CYB5RL: variants seen among roughly 807,000 people sequenced by gnomAD.
CYB5RL encodes the protein NADH-cytochrome b5 reductase-like.
In CYB5RL, 38 loss-of-function variants were observed where a neutral mutation model predicts 37.5. The ratio of observed to expected loss-of-function variants is 1.01; its 90% CI spans 0.78 to 1.33. The LOEUF is 1.33. Among genes scored for constraint, CYB5RL ranks in the 40% most tolerant of loss-of-function variants. The probability of loss-of-function intolerance (pLI) is 0.00; values close to 1 mark genes in which losing one functional copy is unlikely to be tolerated. For missense variants in CYB5RL, 388 were observed against 394.4 expected (o/e 0.98, Z 0.14); for synonymous variants, 141 against 151.9 (o/e 0.93, Z 0.53).
At chr1:54,175,046 T>C (rs1007266290) in intron 7 of CYB5RL, among the ~76,000 whole-genome samples, 1 of 151,966 alleles carries the variant, frequency 6.6e-6, no homozygotes, top group South Asian at 2.1e-4. Context: ...AAGAGGGACT[T>C]CCCTGTGGCA....
chr1:54,187,812 A>C, intron 4 of CYB5RL, 73 bp from the exon 5 acceptor site: 2 of 1,331,232 alleles, frequency 1.5e-6, no homozygotes, highest in Non-Finnish European at 2.2e-6. Context: ...ACGGTGGCTC[A>C]TGTCTGTAAT....
At chr1:54,198,464 C>CA (rs1644036008) in intron 1 of CYB5RL, among the ~76,000 whole-genome samples, 1 of 151,602 alleles carries the variant, frequency 6.6e-6, no homozygotes, top group Non-Finnish European at 1.5e-5. Flanking sequence ...TCCCGAGTAG[C>CA]TGGGACTACA....
At chr1:54,190,644 C>T (rs1251427892) in intron 4 of CYB5RL, 104 bp downstream of exon 4, 1 of 1,434,536 alleles carries the variant, frequency 7.0e-7, no homozygotes, top group Non-Finnish European at 9.5e-7. Context: ...TTGAAGATGA[C>T]AAATGGAGGC....
intron 4 of CYB5RL, 91 bp downstream of exon 4, chr1:54,190,657 A>C: frequency 6.7e-7 from 1 of 1,494,922 alleles, no homozygotes. Flanking sequence ...ATGGAGGCTT[A>C]AGGGAGAGTA....
intron 3 of CYB5RL, among the ~76,000 whole-genome samples, chr1:54,193,221 A>G (rs913650099): frequency 6.6e-6 from 1 of 152,256 alleles, no homozygotes; most frequent in Non-Finnish European, 1.5e-5. Flanking sequence ...ATGAGTGCCA[A>G]CTGTAATGCC....
Position 54,185,966 on chromosome 1 carries a change from C to T in CYB5RL, c.435+1686G>A, listed in dbSNP as rs139556013. 3.9e-3 allele frequency: 631 copies of T among 161,790 alleles called. 3 individuals carry two copies. Among genetic ancestry groups the T allele is most frequent in the African/African-American group, 0.014 (591 of 41,698 alleles). The allele number at this position is 161,790 out of a possible 1,614,324, so 10.0% of individuals were successfully genotyped here. On this transcript the variant is annotated intron_variant, in intron 5 of 7. Transcript: ENST00000534324. Reference sequence around the variant, plus strand: ...ATGGTTTTACAAAGAAGAGTTTCCCCGCACAAGCTCTCTTCTTGTCTGCCG... The same window carrying T: ...ATGGTTTTACAAAGAAGAGTTTCCCTGCACAAGCTCTCTTCTTGTCTGCCG...
rs769874126 is a variant in CYB5RL, at chr1:54,174,623, A to G, written c.944T>C (p.Phe315Ser). The stretch of plus-strand genomic sequence containing the variant: ...GCTTTGGAAGAGAGGCCAGGGCTAG[A>G]AGAGGAAATAGGAGTCCTCAGTGAG... ...AGLTEDSYFL[F>S] The change falls in exon 8 of 8, where the codon TTC (phenylalanine) becomes TCC (serine). Residue 315 changes from phenylalanine to serine, a missense_variant. Phe to Ser is a radical substitution (Grantham distance 155). Coordinates refer to ENST00000534324, the MANE Select transcript of CYB5RL (RefSeq NM_001031672.4). 6.2e-7 allele frequency: 1 copy of G among 1,607,474 alleles called. No individual in the cohort carries two copies. Among genetic ancestry groups the G allele is most frequent in the East Asian group, 2.2e-5 (1 of 44,652 alleles).
At chr1:54,178,932 G>GAA (rs1390917757) in intron 7 of CYB5RL, among the ~76,000 whole-genome samples, 2 of 152,210 alleles carry the variant, frequency 1.3e-5, no homozygotes, top group Non-Finnish European at 2.9e-5. Context: ...GTCCAGCAGC[G>GAA]TGAGCCGGTG....
intron 1 of CYB5RL, among the ~76,000 whole-genome samples, 165 bp from the exon 2 acceptor site, chr1:54,196,656 C>T (rs902875913): frequency 1.3e-5 from 2 of 152,198 alleles, no homozygotes; most frequent in Non-Finnish European, 2.9e-5. Context: ...AACTGCACTT[C>T]CCCAGGTGAT....
chr1:54,171,280 G>A lies in CYB5RL; in HGVS notation c.*3339C>T, dbSNP rs569697289. 505 of 456,380 alleles carry A rather than the reference G, an allele frequency of 1.1e-3. 1 individual carries two copies. Among genetic ancestry groups the A allele is most frequent in the African/African-American group, 9.2e-3 (461 of 50,154 alleles). The allele number at this position is 456,380 out of a possible 1,614,324, so 28.3% of individuals were successfully genotyped here. A position where few individuals can be genotyped will look rare whatever the true frequency, so the allele number is the denominator to read the frequency against. On this transcript the variant is annotated 3_prime_UTR_variant, in exon 8 of 8. Transcript: ENST00000534324. The stretch of plus-strand genomic sequence containing the variant: ...AAGAGAACATGTTTGGAGCCTGAGA[G>A]GTGGGTGTGAGTGGGCGGTGGCATA...
chr1:54,195,354 C>A, intron 3 of CYB5RL, 65 bp downstream of exon 3: 1 of 1,461,674 alleles, frequency 6.8e-7, no homozygotes, highest in Non-Finnish European at 9.1e-7. Context: ...TAGAGGTGTG[C>A]TTTGCAGGGC....
intron 1 of CYB5RL, among the ~76,000 whole-genome samples, chr1:54,199,589 G>C (rs945694538): frequency 1.3e-5 from 2 of 152,230 alleles, no homozygotes; most frequent in Admixed American, 6.5e-5. Flanking sequence ...TGACAGACAG[G>C]TGTTGAGCAA....
rs911385993 is a variant in CYB5RL at position 54,171,252 on chromosome 1, C to T, written c.*3367G>A. On this transcript the variant is annotated 3_prime_UTR_variant, in exon 8 of 8. Transcript: ENST00000534324. Reference sequence around the variant, plus strand: ...GCAGCGAGTGTAAGGGATGAGCTGACGCAAGAGAACATGTTTGGAGCCTGA... The same window carrying T: ...GCAGCGAGTGTAAGGGATGAGCTGATGCAAGAGAACATGTTTGGAGCCTGA... 2.6e-5 allele frequency: 12 copies of T among 455,994 alleles called. No individual in the cohort carries two copies. The East Asian group carries it at 3.5e-4, about 13-fold the overall frequency. The allele number at this position is 455,994 out of a possible 1,614,324, so 28.2% of individuals were successfully genotyped here.
Position 54,195,297 on chromosome 1 carries a change from T to C in CYB5RL, c.198+122A>G, listed in dbSNP as rs971208505. 3.4e-6 allele frequency: 4 copies of C among 1,174,744 alleles called. No individual in the cohort carries two copies. In the South Asian group the frequency reaches 6.9e-5, roughly 20 times the overall value. The allele number at this position is 1,174,744 out of a possible 1,614,324, so 72.8% of individuals were successfully genotyped here. The stretch of plus-strand genomic sequence containing the variant: ...CTTTGAGCCTAGATCTGTTTGCTTC[T>C]GTTATGCATACTCTTTTCTTCTGCT... On this transcript the variant is annotated intron_variant, in intron 3 of 7. Transcript: ENST00000534324.
At chr1:54,186,828 A>G (rs892587609) in intron 5 of CYB5RL, among the ~76,000 whole-genome samples, 2 of 151,988 alleles carry the variant, frequency 1.3e-5, no homozygotes, top group African/African-American at 4.8e-5. Flanking sequence ...CTCACCTACT[A>G]GCAGCACTTC....
chr1:54,184,157 T>C lies in CYB5RL; in HGVS notation c.540+4A>G, dbSNP rs368067357. ...TCCTGAAGATTTAAGGTGCTGGCAC[T>C]GACCTGGTTTGGTTTATAGAAGAAA... On this transcript the variant is annotated splice_donor_region_variant and intron_variant, in intron 6 of 7. Coordinates refer to ENST00000534324, the MANE Select transcript of CYB5RL (RefSeq NM_001031672.4). The C allele has an allele frequency of 4.3e-6, 7 of 1,611,932 alleles. No individual in the cohort carries two copies. In the African/African-American group the frequency reaches 9.3e-5, roughly 22 times the overall value.
chr1:54,179,155 G>C lies in CYB5RL; in HGVS notation c.738C>G (p.Leu246=). ...RFWNVRTFFV[L]SQESSSEQLP... The stretch of plus-strand genomic sequence containing the variant: ...GTCACCACCCTGGGCTCACCTGGCT[G>C]AGTACAAAGAAGGTACGGACATTCC... The change falls in exon 7 of 8, where the codon CTC becomes CTG. Residue 246 remains leucine (L), a synonymous_variant. Coordinates refer to ENST00000534324, the MANE Select transcript of CYB5RL (RefSeq NM_001031672.4). The C allele has an allele frequency of 1.2e-6, 2 of 1,612,336 alleles. No homozygotes were observed. The highest frequency in any genetic ancestry group is 8.5e-7 in the Non-Finnish European group (1 of 1,179,404).
At chr1:54,187,192 T>C (rs1348111909) in intron 5 of CYB5RL, among the ~76,000 whole-genome samples, 2 of 152,160 alleles carry the variant, frequency 1.3e-5, no homozygotes, top group African/African-American at 4.8e-5. Flanking sequence ...TATCTGCCAA[T>C]TCCTCCATCC....
At chr1:54,191,451 T>A (rs1643953200) in intron 3 of CYB5RL, among the ~76,000 whole-genome samples, 1 of 152,156 alleles carries the variant, frequency 6.6e-6, no homozygotes, top group Non-Finnish European at 1.5e-5. Flanking sequence ...CTGAGTTGAG[T>A]CATGCTGGCT....
Sources: allele counts gnomAD v4.1 joint callset (sites outside exome capture counted in the v4.1 genomes callset), GRCh38; gene constraint gnomAD v4.1.1; transcripts MANE v1.5; gene names NCBI Gene and HGNC (gene_info 2026-07-23, HGNC 2026-07-21).